Variants in KDM7A observed in about 807,000 individuals in gnomAD.
KDM7A encodes lysine-specific demethylase 7A.
A neutral mutation model predicts 114.8 loss-of-function variants in KDM7A; 28 were observed. The observed-to-expected ratio is 0.24, with a 90% CI of 0.18 to 0.33. The LOEUF is 0.33. KDM7A is among the 10% of genes least tolerant of loss of function. The pLI, the probability that KDM7A is intolerant of heterozygous loss-of-function variation, is 1.00. For synonymous variants in KDM7A, 423 were observed against 397.8 expected (o/e 1.06, Z -0.75); for missense variants, 942 against 1,142.5 (o/e 0.82, Z 2.53).
Position 140,090,796 on chromosome 7 carries a change from T to C in KDM7A, c.*298A>G. Reference sequence around the variant, plus strand: ...TAATTCTTTACCCTACCACTGAAAATACATCAAGACACTACCAACAACAAA... The same window carrying C: ...TAATTCTTTACCCTACCACTGAAAACACATCAAGACACTACCAACAACAAA... On this transcript the variant is annotated 3_prime_UTR_variant, in exon 20 of 20. Coordinates refer to ENST00000397560, the MANE Select transcript of KDM7A (RefSeq NM_030647.2). 1 of 336,188 alleles carries C rather than the reference T, an allele frequency of 3.0e-6. No individual in the cohort carries two copies. Among genetic ancestry groups the C allele is most frequent in the Non-Finnish European group, 5.4e-6 (1 of 186,836 alleles). 20.8% of individuals were successfully genotyped at this position (336,188 alleles called of 1,614,324 possible). A position where few individuals can be genotyped will look rare whatever the true frequency, so the allele number is the denominator to read the frequency against.
chr7:140,174,071 G>A (rs1029891014), intron 1 of KDM7A, among the ~76,000 whole-genome samples: 1 of 151,502 alleles, frequency 6.6e-6, no homozygotes, highest in South Asian at 2.1e-4. Flanking sequence ...GGCTGAGGCA[G>A]AAGAATCACT....
chr7:140,096,978 A>T lies in KDM7A; in HGVS notation c.2086T>A (p.Phe696Ile). ...DEKKQEITSN[F>I]KEESNVMRNF... ...CTCATCACATTAGATTCCTCCTTAA[A>T]GTTGGATGTTATTTCTTGTTTCTTT... is the stretch of plus-strand genomic sequence containing the variant. The change falls in exon 16 of 20, where the codon TTT becomes ATT. Residue 696 changes from phenylalanine to isoleucine, a missense_variant. Phe to Ile is a conservative substitution (Grantham distance 21, BLOSUM62 0). Transcript: ENST00000397560. 6.2e-7 allele frequency: 1 copy of T among 1,612,988 alleles called. No individual in the cohort carries two copies. The highest frequency in any genetic ancestry group is 8.5e-7 in the Non-Finnish European group (1 of 1,179,062).
intron 1 of KDM7A, among the ~76,000 whole-genome samples, chr7:140,154,660 T>G (rs1277443248): frequency 6.6e-6 from 1 of 152,032 alleles, no homozygotes; most frequent in Non-Finnish European, 1.5e-5. Context: ...ATTTAACAAG[T>G]TAACAAGCAC....
rs576445453 is a variant in KDM7A at position 140,086,693 on chromosome 7, G to A, written c.*4401C>T. 2.0e-5 allele frequency: 3 copies of A among 152,212 alleles called. No individual in the cohort carries two copies. In the South Asian group the frequency reaches 6.2e-4, roughly 32 times the overall value. 9.4% of individuals were successfully genotyped at this position (152,212 alleles called of 1,614,324 possible). A position where few individuals can be genotyped will look rare whatever the true frequency, so the allele number is the denominator to read the frequency against. On this transcript the variant is annotated 3_prime_UTR_variant, in exon 20 of 20. Coordinates refer to ENST00000397560, the MANE Select transcript of KDM7A (RefSeq NM_030647.2). ...AAGCCGAAAACTGGGGGCTGTTTTA[G>A]GAAGCAAAGTATCAGAGGCCCCAGA...
intron 10 of KDM7A, among the ~76,000 whole-genome samples, chr7:140,112,160 C>T (rs1818444301): frequency 6.6e-6 from 1 of 152,090 alleles, no homozygotes; most frequent in Non-Finnish European, 1.5e-5. Flanking sequence ...TTTTATTTTC[C>T]TGAATGCTTC....
At position 140,133,595 on chromosome 7, in the gene KDM7A, T is replaced by G; in HGVS notation, c.342A>C (p.Pro114=). Residue 114 remains proline (P), a synonymous_variant, in exon 3 of 20, where the codon CCA becomes CCC. Transcript: ENST00000397560. ...TGAAAGTTCTAGTTCCAGCTTGCAC[T>G]GGTTTGGAACCATCATCAATTTCTG... ...DYTEIDDGSK[P]VQAGTRTFIK... 1 of 1,613,226 alleles carries G rather than the reference T, an allele frequency of 6.2e-7. No homozygotes were observed. The highest frequency in any genetic ancestry group is 8.5e-7 in the Non-Finnish European group (1 of 1,179,266).
At position 140,090,592 on chromosome 7, in the gene KDM7A, G is replaced by A. The variant is rs1818001209; in HGVS notation, c.*502C>T. 6.6e-6 allele frequency: 1 copy of A among 152,486 alleles called. No individual in the cohort carries two copies. 9.4% of individuals were successfully genotyped at this position (152,486 alleles called of 1,614,324 possible). On this transcript the variant is annotated 3_prime_UTR_variant, in exon 20 of 20. Transcript: ENST00000397560. ...AATTTAAGAGTCCAGACTAGTTACT[G>A]TTACTGTGGCCCTTCCCCACATGTA...
intron 12 of KDM7A, among the ~76,000 whole-genome samples, chr7:140,100,717 T>TATATATATATATATATATATACAC (rs1818203506): frequency 1.9e-5 from 1 of 53,264 alleles, no homozygotes; most frequent in Admixed American, 2.1e-4. Flanking sequence ...TACACATATA[T>TATATATATATATATATATATACAC]ATATATATAT....
chr7:140,101,877 T>C (rs1344326146), intron 12 of KDM7A, 74 bp downstream of exon 12: 1 of 963,090 alleles, frequency 1.0e-6, no homozygotes, highest in Non-Finnish European at 1.7e-6. Flanking sequence ...GTCAAGACTA[T>C]TCTCTTATTA....
At chr7:140,121,338 A>G (rs934903443) in intron 7 of KDM7A, among the ~76,000 whole-genome samples, 1 of 152,224 alleles carries the variant, frequency 6.6e-6, no homozygotes, top group Non-Finnish European at 1.5e-5. Context: ...TTGTATGCAA[A>G]TTAGCTTTTA....
chr7:140,112,558 C>T (rs1254535498), intron 10 of KDM7A, among the ~76,000 whole-genome samples: 7 of 151,856 alleles, frequency 4.6e-5, no homozygotes, highest in Admixed American at 4.6e-4. Flanking sequence ...TTGCAGCGAG[C>T]CGAGATCGCA....
At chr7:140,115,884 ATTT>A (rs1216069481) in intron 9 of KDM7A, among the ~76,000 whole-genome samples, 2 of 106,484 alleles carry the variant, frequency 1.9e-5, no homozygotes, top group Non-Finnish European at 3.8e-5. Context: ...GTCATACAAT[ATTT>A]TTATCATAAA....
chr7:140,147,324 T>A (rs972967517), intron 1 of KDM7A, among the ~76,000 whole-genome samples: 6 of 152,206 alleles, frequency 3.9e-5, no homozygotes, highest in Non-Finnish European at 7.4e-5. Context: ...ACTTGAAAAC[T>A]AATATATTGT....
intron 1 of KDM7A, among the ~76,000 whole-genome samples, chr7:140,161,515 C>G (rs1794518109): frequency 6.6e-6 from 1 of 151,678 alleles, no homozygotes; most frequent in Non-Finnish European, 1.5e-5. Context: ...ATTTTATTTT[C>G]TTTTTTAGTT....
rs1012362368 is a variant in KDM7A, at chr7:140,127,431, G to C, written c.701+11C>G. On this transcript the variant is annotated intron_variant, in intron 5 of 19. Coordinates refer to ENST00000397560, the MANE Select transcript of KDM7A (RefSeq NM_030647.2). ...TCAGAATGCTAAACCAAAATACCCA[G>C]AACTACTCACTTTGTATCTGAAAAT... 1 of 1,610,216 alleles carries C rather than the reference G, an allele frequency of 6.2e-7. No homozygotes were observed. The highest frequency in any genetic ancestry group is 8.5e-7 in the Non-Finnish European group (1 of 1,178,002).
Position 140,176,868 on chromosome 7 carries a change from C to G in KDM7A, c.70G>C (p.Ala24Pro). 1 of 1,261,594 alleles carries G rather than the reference C, an allele frequency of 7.9e-7. No homozygotes were observed. The highest frequency in any genetic ancestry group is 1.0e-6 in the Non-Finnish European group (1 of 990,248). The allele number at this position is 1,261,594 out of a possible 1,614,324, so 78.1% of individuals were successfully genotyped here. Residue 24 changes from alanine (A) to proline (P), a missense_variant, in exon 1 of 20, where the codon GCG becomes CCG. Ala to Pro is a conservative substitution (Grantham distance 27). Coordinates refer to ENST00000397560, the MANE Select transcript of KDM7A (RefSeq NM_030647.2). This position sits in a 1 kb window ranked among gnomAD's most constrained non-coding sequence, Gnocchi z 4.4. ...AGAAAAAVSV[A>P]APGRASAPPP... ...GGCGCCGAGGCCCGGCCGGGAGCCG[C>G]CACCGACACGGCTGCCGCGGCGGCT... is the stretch of plus-strand genomic sequence containing the variant.
chr7:140,110,319 A>C (rs1818411139), intron 11 of KDM7A, among the ~76,000 whole-genome samples: 1 of 152,194 alleles, frequency 6.6e-6, no homozygotes, highest in South Asian at 2.1e-4. Context: ...AATCAATTTA[A>C]ATGTGATTAC....
intron 17 of KDM7A, chr7:140,095,597 AC>A: frequency 3.8e-6 from 1 of 261,062 alleles, no homozygotes; most frequent in South Asian, 3.2e-5. Flanking sequence ...AAGTGAAATA[AC>A]CAGGCATGGT....
At chr7:140,093,014 CT>C in intron 18 of KDM7A, among the ~76,000 whole-genome samples, 1 of 152,206 alleles carries the variant, frequency 6.6e-6, no homozygotes, top group African/African-American at 2.4e-5. Flanking sequence ...AAACTTGCTT[CT>C]TTTTCTTATG....
Sources: allele counts gnomAD v4.1 joint callset (sites outside exome capture counted in the v4.1 genomes callset), GRCh38; gene constraint gnomAD v4.1.1; non-coding constraint Gnocchi (gnomAD v3.1); transcripts MANE v1.5; gene names NCBI Gene and HGNC (gene_info 2026-07-23, HGNC 2026-07-21).